Variants in TRIM2 observed in about 807,000 individuals in gnomAD.
TRIM2 encodes the protein tripartite motif containing 2, also known as tripartite motif-containing protein 2.
A neutral mutation model predicts 75.2 loss-of-function variants in TRIM2; 20 were observed. The observed-to-expected ratio is 0.27, with a 90% CI of 0.19 to 0.39. TRIM2 has a LOEUF of 0.39. Ranked by LOEUF, TRIM2 falls within the 10% of genes least tolerant of loss-of-function variation. The probability of loss-of-function intolerance (pLI) is 1.00; values close to 1 mark genes in which losing one functional copy is unlikely to be tolerated. For missense variants in TRIM2, 660 were observed against 990.8 expected, an observed-to-expected ratio of 0.67 and a Z score of 4.48; for synonymous variants, 373 against 388.3, an observed-to-expected ratio of 0.96 and a Z score of 0.46.
intron 1 of TRIM2, among the ~76,000 whole-genome samples, chr4:153,244,575 G>A (rs1748600653): frequency 6.7e-6 from 1 of 150,272 alleles, no homozygotes; most frequent in Non-Finnish European, 1.5e-5. Context: ...ATAGTTTTTT[G>A]AAGATGTACA....
At chr4:153,280,974 G>A (rs1392740691) in intron 3 of TRIM2, among the ~76,000 whole-genome samples, 2 of 152,072 alleles carry the variant, frequency 1.3e-5, no homozygotes, top group African/African-American at 4.8e-5. Flanking sequence ...GTGAGCCACC[G>A]CGCCCAGCCT....
chr4:153,290,675 G>A (rs948520795), intron 3 of TRIM2, among the ~76,000 whole-genome samples: 1 of 152,176 alleles, frequency 6.6e-6, no homozygotes, highest in Non-Finnish European at 1.5e-5. Context: ...TACCCAGGCT[G>A]GAGTGCAGTG....
At chr4:153,205,640 G>A (rs1735207321) in intron 1 of TRIM2, among the ~76,000 whole-genome samples, 1 of 152,038 alleles carries the variant, frequency 6.6e-6, no homozygotes, top group Non-Finnish European at 1.5e-5. Flanking sequence ...GAAAAGGTGA[G>A]GTTTAATTTT....
At chr4:153,212,638 G>A (rs1157829166) in intron 1 of TRIM2, among the ~76,000 whole-genome samples, 2 of 152,092 alleles carry the variant, frequency 1.3e-5, no homozygotes, top group Admixed American at 1.3e-4. Flanking sequence ...CCTGGGCAAC[G>A]AAGTGAGACT....
chr4:153,335,450 T>C lies in TRIM2; in HGVS notation c.*484T>C, dbSNP rs564375396. On this transcript the variant is annotated 3_prime_UTR_variant, in exon 12 of 12. Coordinates refer to ENST00000338700, the MANE Select transcript of TRIM2 (RefSeq NM_015271.5). ...TACAGTAGGTATTACTCTTGTGACA[T>C]TTTTTTGGTTATCAACAACTAAATA... is the stretch of plus-strand genomic sequence containing the variant. The C allele has an allele frequency of 4.8e-5, 47 of 985,424 alleles. No homozygotes were observed. The African/African-American group carries it at 7.8e-4, about 16-fold the overall frequency. The allele number at this position is 985,424 out of a possible 1,614,324, so 61.0% of individuals were successfully genotyped here.
intron 1 of TRIM2, among the ~76,000 whole-genome samples, chr4:153,239,998 T>C (rs1746129307): frequency 1.3e-5 from 2 of 152,062 alleles, no homozygotes; most frequent in Non-Finnish European, 2.9e-5. Context: ...CACGCCCAGC[T>C]AATTTTTCTA....
chr4:153,237,679 C>CA (rs545198715), intron 1 of TRIM2, among the ~76,000 whole-genome samples: 12 of 137,596 alleles, frequency 8.7e-5, no homozygotes, highest in African/African-American at 1.3e-4. Flanking sequence ...GACTCCGACT[C>CA]AAAAAAAAAA....
chr4:153,263,469 G>A (rs1198374738), intron 1 of TRIM2, among the ~76,000 whole-genome samples: 1 of 152,198 alleles, frequency 6.6e-6, no homozygotes. Context: ...CTGTGAATAA[G>A]TCCGTTTCCA....
In TRIM2 at chr4:153,275,928, C is replaced by A. The variant is rs745985238; in HGVS notation, c.251C>A (p.Thr84Asn). 5 of 1,614,196 alleles carry A rather than the reference C, an allele frequency of 3.1e-6. No homozygotes were observed. Among genetic ancestry groups the A allele is most frequent in the Non-Finnish European group, 3.4e-6 (4 of 1,180,036 alleles). ...LQNYIPAHSL[T>N]LSCPVCRQTS... ...AACTACATTCCTGCCCACAGTTTAACCCTCTCCTGCCCAGTGTGCCGCCAG... is the reference window on the plus strand; with the variant it reads ...AACTACATTCCTGCCCACAGTTTAAACCTCTCCTGCCCAGTGTGCCGCCAG... The change falls in exon 3 of 12, where the codon ACC becomes AAC. Residue 84 changes from threonine to asparagine, a missense_variant. Physicochemically the swap from Thr to Asn is moderately conservative, Grantham distance 65 (BLOSUM62 0). This residue lies in a region of TRIM2 where 620 missense variants were observed against 891.0 expected (regional missense o/e 0.70). Transcript: ENST00000338700.
At chr4:153,161,385 T>G (rs1351806244) in intron 1 of TRIM2, among the ~76,000 whole-genome samples, 1 of 152,226 alleles carries the variant, frequency 6.6e-6, no homozygotes, top group Non-Finnish European at 1.5e-5. Context: ...CCATTCAGCC[T>G]TAACAGTTAT....
chr4:153,285,543 C>A (rs1760416221), intron 3 of TRIM2, among the ~76,000 whole-genome samples: 1 of 152,002 alleles, frequency 6.6e-6, no homozygotes, highest in Non-Finnish European at 1.5e-5. Context: ...TTTTGGCCAG[C>A]CTGGTCTTGG....
intron 3 of TRIM2, among the ~76,000 whole-genome samples, chr4:153,279,991 T>A (rs1406481770): frequency 6.7e-6 from 1 of 150,106 alleles, no homozygotes; most frequent in Non-Finnish European, 1.5e-5. Flanking sequence ...AGAGGATTGC[T>A]TGAGCCCAGA....
chr4:153,179,843 C>A (rs1282688120), intron 1 of TRIM2, among the ~76,000 whole-genome samples: 1 of 152,180 alleles, frequency 6.6e-6, no homozygotes, highest in African/African-American at 2.4e-5. Context: ...TACTGAGGCT[C>A]ACAACGGGAG....
At chr4:153,266,343 G>GTTTTTT (rs1560913616) in intron 1 of TRIM2, among the ~76,000 whole-genome samples, 1 of 106,004 alleles carries the variant, frequency 9.4e-6, no homozygotes, top group African/African-American at 4.3e-5. Context: ...CTAATTTTTG[G>GTTTTTT]GTTTTTTTTT....
At chr4:153,163,689 A>G (rs1016685740) in intron 1 of TRIM2, among the ~76,000 whole-genome samples, 3 of 151,022 alleles carry the variant, frequency 2.0e-5, no homozygotes, top group Admixed American at 6.7e-5. Context: ...TTTAGTAGAG[A>G]CAGGGTTTCA....
intron 1 of TRIM2, among the ~76,000 whole-genome samples, chr4:153,253,920 G>T (rs764239742): frequency 6.6e-6 from 1 of 152,194 alleles, no homozygotes; most frequent in Non-Finnish European, 1.5e-5. Context: ...TCTGTCTATG[G>T]AGTGGCCATT....
Position 153,295,309 on chromosome 4 carries a change from G to T in TRIM2, c.787-4G>T, listed in dbSNP as rs779323461. The stretch of plus-strand genomic sequence containing the variant: ...AGCTCACCAGGCCTCCGGTTTTCCC[G>T]CAGGTCCTCCAGTCGCAGCTGGATA... On this transcript the variant is annotated splice_region_variant and splice_polypyrimidine_tract_variant and intron_variant, in intron 5 of 11. Coordinates refer to ENST00000338700, the MANE Select transcript of TRIM2 (RefSeq NM_015271.5). This position sits in a 1 kb window ranked among gnomAD's most constrained non-coding sequence, Gnocchi z 7.2. 3.0e-5 allele frequency: 47 copies of T among 1,581,062 alleles called. No individual in the cohort carries two copies. Among genetic ancestry groups the T allele is most frequent in the South Asian group, 5.9e-5 (5 of 85,440 alleles).
rs188353441 is a variant in TRIM2, at chr4:153,231,745, G to A, written c.30+27185G>A. ...ACGCTTCCCTTGGCTTATAAATAGT[G>A]TTCTGTGTCTTCACATAATCGTCCC... On this transcript the variant is annotated intron_variant, in intron 1 of 11. Coordinates refer to ENST00000338700, the MANE Select transcript of TRIM2 (RefSeq NM_015271.5). Among the ~76,000 whole-genome samples the A allele has an allele frequency of 2.6e-5, 4 of 152,294 alleles. No individual in the cohort carries two copies. The East Asian group carries it at 7.7e-4, about 29-fold the overall frequency.
Position 153,335,805 on chromosome 4 carries a change from T to C in TRIM2, c.*839T>C. 1.0e-6 allele frequency: 1 copy of C among 985,900 alleles called. No homozygotes were observed. Among genetic ancestry groups the C allele is most frequent in the Non-Finnish European group, 1.2e-6 (1 of 829,946 alleles). The allele number at this position is 985,900 out of a possible 1,614,324, so 61.1% of individuals were successfully genotyped here. A position where few individuals can be genotyped will look rare whatever the true frequency, so the allele number is the denominator to read the frequency against. On this transcript the variant is annotated 3_prime_UTR_variant, in exon 12 of 12. Transcript: ENST00000338700. ...AAAGTTAGTCATGTTTTATGTACCA[T>C]GTTTTCACACGTGTCTCTTCTCTTC...
Sources: allele counts gnomAD v4.1 joint callset (sites outside exome capture counted in the v4.1 genomes callset), GRCh38; gene constraint gnomAD v4.1.1; regional missense constraint gnomAD v4.1.1; non-coding constraint Gnocchi (gnomAD v3.1); transcripts MANE v1.5; gene names NCBI Gene and HGNC (gene_info 2026-07-23, HGNC 2026-07-21).